Variants in ZNF385B observed in about 807,000 individuals in gnomAD.
The protein encoded by ZNF385B is zinc finger protein 533.
ZNF385B carries 23 observed loss-of-function variants against 39.2 expected under a neutral mutation model. That is an observed-to-expected ratio of 0.59 (90% CI 0.42 to 0.83). The LOEUF (loss-of-function observed/expected upper bound fraction) is 0.83, where lower values mean the gene tolerates loss of function less well. Among genes scored for constraint, ZNF385B ranks in the 40% least tolerant of loss-of-function variants. The pLI is 0.00. For missense variants in ZNF385B, 552 were observed against 598.9 expected (o/e 0.92, Z 0.82); for synonymous variants, 205 against 222.6 (o/e 0.92, Z 0.70).
At chr2:179,725,342 T>C (rs551192872) in intron 3 of ZNF385B, among the ~76,000 whole-genome samples, 1 of 152,066 alleles carries the variant, frequency 6.6e-6, no homozygotes, top group Non-Finnish European at 1.5e-5. Flanking sequence ...TAACTATACT[T>C]CTCTATGACA....
chr2:179,444,918 G>C lies in ZNF385B; in HGVS notation c.1200C>G (p.Tyr400Ter). ...TCCGCTGGAGTTTGTTGTAAGGGCTGTATTTTGGCTTCAGTGGTTTCCCTG... is the reference window on the plus strand; with the variant it reads ...TCCGCTGGAGTTTGTTGTAAGGGCTCTATTTTGGCTTCAGTGGTTTCCCTG... ...RVAGKPLKPK[Y>*]SPYNKLQRSP... Residue 400 changes from tyrosine (Y) to a stop codon, truncating the protein, a stop_gained, in exon 9 of 10, where the codon TAC becomes TAG. Coordinates refer to ENST00000410066, the MANE Select transcript of ZNF385B (RefSeq NM_152520.6). LOFTEE classifies it high-confidence loss of function. 1 of 1,614,186 alleles carries C rather than the reference G, an allele frequency of 6.2e-7. No individual in the cohort carries two copies. Among genetic ancestry groups the C allele is most frequent in the Non-Finnish European group, 8.5e-7 (1 of 1,179,994 alleles).
At chr2:179,533,348 T>G (rs2105867307) in intron 4 of ZNF385B, among the ~76,000 whole-genome samples, 1 of 152,362 alleles carries the variant, frequency 6.6e-6, no homozygotes, top group East Asian at 1.9e-4. Flanking sequence ...TCTGCTGTTC[T>G]AACAGCTGTA....
chr2:179,474,068 C>T (rs1370997193), intron 6 of ZNF385B, among the ~76,000 whole-genome samples: 1 of 151,496 alleles, frequency 6.6e-6, no homozygotes, highest in Admixed American at 6.6e-5. Context: ...ATCATACCTT[C>T]ATTAATATAG....
chr2:179,606,488 T>C (rs190206779), intron 3 of ZNF385B, among the ~76,000 whole-genome samples: 115 of 152,240 alleles, frequency 7.6e-4, no homozygotes, highest in Middle Eastern at 3.4e-3. Context: ...TTATCCCCTT[T>C]TGGTCTAAGG....
chr2:179,682,084 C>G (rs1282269855), intron 3 of ZNF385B, among the ~76,000 whole-genome samples: 1 of 152,146 alleles, frequency 6.6e-6, no homozygotes, highest in Non-Finnish European at 1.5e-5. Flanking sequence ...ATGCCAGGGT[C>G]AAGTAAAGGA....
At chr2:179,703,672 C>T (rs1699380860) in intron 3 of ZNF385B, among the ~76,000 whole-genome samples, 1 of 152,174 alleles carries the variant, frequency 6.6e-6, no homozygotes, top group Admixed American at 6.6e-5. Context: ...TAAAATACCT[C>T]CAGGGAAGGA....
intron 3 of ZNF385B, among the ~76,000 whole-genome samples, chr2:179,750,279 C>A (rs1702597406): frequency 6.6e-6 from 1 of 152,066 alleles, no homozygotes. Flanking sequence ...TCCCAAGGAA[C>A]TTCAATCTCA....
chr2:179,559,643 T>TTC (rs200214127), intron 3 of ZNF385B, among the ~76,000 whole-genome samples: 2 of 108,076 alleles, frequency 1.9e-5, no homozygotes, highest in African/African-American at 7.2e-5. Flanking sequence ...GACTGTCGGG[T>TTC]TTTTTTTAAT....
intron 3 of ZNF385B, among the ~76,000 whole-genome samples, chr2:179,681,105 G>C (rs1309665780): frequency 9.2e-6 from 1 of 109,262 alleles, no homozygotes; most frequent in Non-Finnish European, 1.9e-5. Flanking sequence ...TGAAACTTTT[G>C]ATTCTAACTA....
chr2:179,858,104 G>A (rs952819188), intron 1 of ZNF385B, among the ~76,000 whole-genome samples: 1 of 152,140 alleles, frequency 6.6e-6, no homozygotes, highest in African/African-American at 2.4e-5. Flanking sequence ...AAGCCACTGT[G>A]ACAGCCTCTA....
intron 3 of ZNF385B, among the ~76,000 whole-genome samples, chr2:179,758,663 C>A (rs12052765): frequency 0.11 from 16,717 of 152,212 alleles, 1,564 homozygotes; most frequent in East Asian, 0.48. Flanking sequence ...TGCAACACTG[C>A]TCTGTGACTG....
At chr2:179,720,925 GTTTTTT>G (rs56131510) in intron 3 of ZNF385B, among the ~76,000 whole-genome samples, 1 of 70,132 alleles carries the variant, frequency 1.4e-5, no homozygotes, top group Non-Finnish European at 2.6e-5. Flanking sequence ...ATGCCTGGCT[GTTTTTT>G]TTTTTTTTTT....
At chr2:179,758,321 T>G (rs112244675) in intron 3 of ZNF385B, among the ~76,000 whole-genome samples, 5 of 152,178 alleles carry the variant, frequency 3.3e-5, no homozygotes, top group African/African-American at 9.6e-5. Flanking sequence ...GCAGATTTGG[T>G]GACTGGTAAG....
At chr2:179,582,230 C>G (rs1387655523) in intron 3 of ZNF385B, among the ~76,000 whole-genome samples, 1 of 152,056 alleles carries the variant, frequency 6.6e-6, no homozygotes, top group Non-Finnish European at 1.5e-5. Flanking sequence ...GTTTTCAACC[C>G]CTGATCTATT....
intron 1 of ZNF385B, among the ~76,000 whole-genome samples, chr2:179,781,580 T>C (rs1454943631): frequency 6.6e-6 from 1 of 151,992 alleles, no homozygotes; most frequent in African/African-American, 2.4e-5. Flanking sequence ...GACTCTGGAG[T>C]AGGCAAAGAC....
At chr2:179,811,750 G>C (rs1268806500) in intron 1 of ZNF385B, among the ~76,000 whole-genome samples, 4 of 151,890 alleles carry the variant, frequency 2.6e-5, no homozygotes, top group Admixed American at 2.6e-4. Context: ...AAAAATTTAT[G>C]ACTAAAACCT....
chr2:179,659,858 G>C (rs1333339069), intron 3 of ZNF385B, among the ~76,000 whole-genome samples: 1 of 152,078 alleles, frequency 6.6e-6, no homozygotes, highest in Non-Finnish European at 1.5e-5. Context: ...GTCAAATACT[G>C]ATCATGACTG....
At chr2:179,710,685 T>C (rs1699936319) in intron 3 of ZNF385B, among the ~76,000 whole-genome samples, 1 of 152,196 alleles carries the variant, frequency 6.6e-6, no homozygotes, top group African/African-American at 2.4e-5. Context: ...TAAATGGCCA[T>C]GACTTGCCCT....
At chr2:179,751,444 A>T (rs1195467223) in intron 3 of ZNF385B, among the ~76,000 whole-genome samples, 1 of 152,154 alleles carries the variant, frequency 6.6e-6, no homozygotes, top group Non-Finnish European at 1.5e-5. Flanking sequence ...TTCTTCAAAA[A>T]TTTCTGGGAA....
Sources: gnomAD v4.1 joint callset for allele counts (sites outside exome capture counted in the v4.1 genomes callset) on GRCh38, gnomAD v4.1.1 for gene constraint, MANE v1.5 for transcripts, NCBI Gene and HGNC (gene_info 2026-07-23, HGNC 2026-07-21) for gene names.